The following SYNE2 variants were observed in gnomAD, a reference collection of about 807,000 sequenced individuals.
SYNE2 encodes the protein spectrin repeat containing nuclear envelope protein 2.
Under a neutral mutation model 856.3 loss-of-function variants are expected in SYNE2, and 431 were observed. That is an observed-to-expected ratio of 0.50 (90% CI 0.47 to 0.55). The LOEUF is 0.55. Ranked by LOEUF, SYNE2 falls within the 20% of genes least tolerant of loss-of-function variation. The pLI, the probability that SYNE2 is intolerant of heterozygous loss-of-function variation, is 0.00. For synonymous variants in SYNE2, 2,923 were observed against 2,872.3 expected, an observed-to-expected ratio of 1.02 and a Z score of -0.56; for missense variants, 8,129 against 8,023.2, an observed-to-expected ratio of 1.01 and a Z score of -0.50.
At chr14:63,925,043 C>T (rs2095647072) in intron 2 of SYNE2, among the ~76,000 whole-genome samples, 1 of 151,884 alleles carries the variant, frequency 6.6e-6, no homozygotes, top group Non-Finnish European at 1.5e-5. Context: ...GGCTCATGCC[C>T]ATGATCCCAG....
rs2096766295 is a variant in SYNE2 at position 64,002,867 on chromosome 14, A to ATACAAAAC, written c.3934_3935insTACAAAAC (p.Asn1312IlefsTer50). 1 of 1,614,096 alleles carries ATACAAAAC rather than the reference A, an allele frequency of 6.2e-7. No individual in the cohort carries two copies. Among genetic ancestry groups the ATACAAAAC allele is most frequent in the Non-Finnish European group, 8.5e-7 (1 of 1,180,048 alleles). On this transcript the variant is annotated frameshift_variant, in exon 30 of 116. Coordinates refer to ENST00000555002, the MANE Select transcript of SYNE2 (RefSeq NM_182914.3). LOFTEE classifies it high-confidence loss of function. The stretch of plus-strand genomic sequence containing the variant: ...ATACAAAACACAATTTGAAGGAATG[A>ATACAAAAC]ACCACAGGGTGCAGAGGAGTGAAGA...
intron 113 of SYNE2, among the ~76,000 whole-genome samples, chr14:64,223,994 T>C (rs965058563): frequency 6.6e-6 from 1 of 152,052 alleles, no homozygotes; most frequent in African/African-American, 2.4e-5. Context: ...TTACATTCCT[T>C]TTTGTCCGAA....
Position 64,113,522 on chromosome 14 carries a change from T to G in SYNE2, c.12791T>G (p.Leu4264Ter), listed in dbSNP as rs1347812224. The change falls in exon 66 of 116, where the codon TTA becomes TGA. Residue 4264 changes from leucine to a stop codon, truncating the protein, a stop_gained. Transcript: ENST00000555002. LOFTEE classifies it high-confidence loss of function. ...QANVAVEPET[L>*]NADMQQVLEQ... The stretch of plus-strand genomic sequence containing the variant: ...AACGTGGCAGTTGAGCCGGAAACAT[T>G]AAACGCAGACATGCAGCAGGTGCTG... The G allele has an allele frequency of 6.2e-7, 1 of 1,613,780 alleles. No individual in the cohort carries two copies.
rs145923441 is a variant in SYNE2, at chr14:63,828,628, G to T, written c.-304-23873G>T. On this transcript the variant is annotated intron_variant, in intron 1 of 23. Transcript: ENST00000674003. ...CGTCTACCTCAAAAATCAAAACTGA[G>T]GCTTAGGCAGGAGAATTACTTGAAC... Among the ~76,000 whole-genome samples, 7 of 152,164 alleles carry T rather than the reference G, an allele frequency of 4.6e-5. No homozygotes were observed. In the East Asian group the frequency reaches 1.4e-3, roughly 29 times the overall value.
intron 2 of SYNE2, among the ~76,000 whole-genome samples, chr14:63,935,215 G>T (rs1373431734): frequency 6.6e-6 from 1 of 152,090 alleles, no homozygotes; most frequent in Non-Finnish European, 1.5e-5. Flanking sequence ...TCAAAAGCCT[G>T]AATTATCCAG....
At chr14:63,817,113 C>G (rs1219074123) in intron 1 of SYNE2, among the ~76,000 whole-genome samples, 1 of 152,100 alleles carries the variant, frequency 6.6e-6, no homozygotes, top group Non-Finnish European at 1.5e-5. Flanking sequence ...CCAGACTATC[C>G]CAGTTCTCTT....
chr14:63,915,081 T>G (rs1311365445), intron 2 of SYNE2, among the ~76,000 whole-genome samples: 5 of 152,218 alleles, frequency 3.3e-5, no homozygotes, highest in Non-Finnish European at 7.3e-5. Context: ...GCCTGGCCTA[T>G]TTAGTGTGTT....
At chr14:64,035,726 C>T (rs889844898) in intron 45 of SYNE2, among the ~76,000 whole-genome samples, 2 of 152,066 alleles carry the variant, frequency 1.3e-5, no homozygotes, top group Non-Finnish European at 2.9e-5. Flanking sequence ...GGGTCTGGCT[C>T]TGTCACTCAG....
upstream of SYNE2, among the ~76,000 whole-genome samples, chr14:63,851,505 T>A (rs1890452258): frequency 6.6e-6 from 1 of 152,204 alleles, no homozygotes. Context: ...AATCTAGGAA[T>A]ACAAGGAACT....
chr14:63,848,571 A>T (rs996925337), upstream of SYNE2, among the ~76,000 whole-genome samples: 9 of 152,186 alleles, frequency 5.9e-5, no homozygotes, highest in African/African-American at 2.2e-4. Flanking sequence ...TCTTTAAATG[A>T]TGCATTTATT....
At chr14:64,164,329 C>T (rs537325474) in intron 89 of SYNE2, among the ~76,000 whole-genome samples, 3 of 152,222 alleles carry the variant, frequency 2.0e-5, no homozygotes, top group African/African-American at 7.2e-5. Context: ...CCAGGATGGT[C>T]TCAATCTCCT....
At position 64,051,807 on chromosome 14, in the gene SYNE2, A is replaced by C. The variant is rs2097229472; in HGVS notation, c.7894A>C (p.Met2632Leu). The C allele has an allele frequency of 6.2e-7, 1 of 1,614,182 alleles. No homozygotes were observed. Among genetic ancestry groups the C allele is most frequent in the Non-Finnish European group, 8.5e-7 (1 of 1,180,026 alleles). Reference protein sequence around the residue: ...VVEYDEFTTLMNKVQDTEISL... With the variant: ...VVEYDEFTTLLNKVQDTEISL... ...GGAATATGATGAATTTACAACCCTC[A>C]TGAATAAGGTACAGGACACTGAGAT... The change falls in exon 48 of 116, where the codon ATG becomes CTG. Residue 2632 changes from methionine (M) to leucine (L), a missense_variant. By Grantham distance (15) the Met-to-Leu change is conservative. Coordinates refer to ENST00000555002, the MANE Select transcript of SYNE2 (RefSeq NM_182914.3).
intron 37 of SYNE2, 25 bp downstream of exon 37, chr14:64,022,053 T>G (rs2096939509): frequency 3.1e-6 from 5 of 1,610,086 alleles, no homozygotes; most frequent in Non-Finnish European, 3.4e-6. Context: ...TCTCTTATTT[T>G]GTTTCTGGGA....
chr14:64,224,689 C>T (rs2098710361), intron 114 of SYNE2, 142 bp downstream of exon 114: 4 of 926,434 alleles, frequency 4.3e-6, no homozygotes, highest in Admixed American at 4.0e-5. Flanking sequence ...GGCTTACAGT[C>T]TGCCTCTAGT....
chr14:64,216,570 G>C, intron 108 of SYNE2, 183 bp downstream of exon 108: 1 of 735,264 alleles, frequency 1.4e-6, no homozygotes, highest in South Asian at 1.5e-5. Context: ...CGGCAAAACC[G>C]ATTAGACTTA....
intron 1 of SYNE2, among the ~76,000 whole-genome samples, chr14:63,872,543 G>A (rs1038806054): frequency 6.6e-6 from 1 of 152,062 alleles, no homozygotes; most frequent in Non-Finnish European, 1.5e-5. Flanking sequence ...ATCACCTGAG[G>A]TCAGGAGTTT....
intron 99 of SYNE2, among the ~76,000 whole-genome samples, chr14:64,200,102 A>G (rs2098555563): frequency 6.6e-6 from 1 of 152,202 alleles, no homozygotes. Context: ...TCATTTAACC[A>G]GTTGAATTCT....
intron 1 of SYNE2, among the ~76,000 whole-genome samples, chr14:63,844,443 C>T (rs1334481283): frequency 7.2e-5 from 11 of 152,158 alleles, no homozygotes; most frequent in African/African-American, 2.4e-4. Flanking sequence ...TTGGTTGCTA[C>T]CAAGTTTTGG....
At chr14:63,797,091 AAAAGAAAAG>A (rs1444079623) in intron 1 of SYNE2, among the ~76,000 whole-genome samples, 1 of 129,706 alleles carries the variant, frequency 7.7e-6, no homozygotes, top group Non-Finnish European at 1.7e-5. Context: ...AAAAAAAAAA[AAAAGAAAAG>A]AAAAGAAAAG....
Sources: gnomAD v4.1 joint callset for allele counts (sites outside exome capture counted in the v4.1 genomes callset) on GRCh38, gnomAD v4.1.1 for gene constraint, MANE v1.5 for transcripts, NCBI Gene and HGNC (gene_info 2026-07-23, HGNC 2026-07-21) for gene names.